CYSLTR2: variants seen among roughly 807,000 people sequenced by gnomAD.
The protein encoded by CYSLTR2 is G-protein coupled receptor GPCR21.
For synonymous variants in CYSLTR2, 179 were observed against 160.8 expected (o/e 1.11, Z -0.86); for missense variants, 398 against 411.9 (o/e 0.97, Z 0.29).
At chr13:48,655,980 T>C (rs534831850) in intron 1 of CYSLTR2, among the ~76,000 whole-genome samples, 1 of 152,304 alleles carries the variant, frequency 6.6e-6, no homozygotes, top group Admixed American at 6.5e-5. Context: ...CAAAGAAAGG[T>C]GATCATGACA....
intron 1 of CYSLTR2, among the ~76,000 whole-genome samples, chr13:48,682,200 T>C (rs1953774290): frequency 2.0e-5 from 3 of 152,288 alleles, no homozygotes; most frequent in East Asian, 3.9e-4. Context: ...ATTTGCTTTA[T>C]TGACCTGGCT....
At chr13:48,673,792 T>C (rs1392461770) in intron 1 of CYSLTR2, among the ~76,000 whole-genome samples, 1 of 152,170 alleles carries the variant, frequency 6.6e-6, no homozygotes, top group East Asian at 1.9e-4. Context: ...AGTGCTTCCT[T>C]TGGAGCTCTT....
chr13:48,704,665 A>T (rs1387599396), intron 4 of CYSLTR2, among the ~76,000 whole-genome samples: 1 of 152,004 alleles, frequency 6.6e-6, no homozygotes, highest in Non-Finnish European at 1.5e-5. Flanking sequence ...TCAGTTTAAT[A>T]TATTTTTTGT....
chr13:48,702,379 G>A (rs1204255466), intron 4 of CYSLTR2, among the ~76,000 whole-genome samples: 1 of 152,150 alleles, frequency 6.6e-6, no homozygotes, highest in Non-Finnish European at 1.5e-5. Context: ...TGCACGTTGT[G>A]CACACGTACC....
chr13:48,683,670 T>A (rs990806489), intron 1 of CYSLTR2, among the ~76,000 whole-genome samples: 3 of 152,134 alleles, frequency 2.0e-5, no homozygotes, highest in African/African-American at 7.2e-5. Flanking sequence ...AATTTTCTCC[T>A]ATTCTGTAGG....
At chr13:48,668,541 C>A (rs1953329292) in intron 1 of CYSLTR2, among the ~76,000 whole-genome samples, 1 of 152,102 alleles carries the variant, frequency 6.6e-6, no homozygotes, top group South Asian at 2.1e-4. Context: ...ATATTTGCTT[C>A]TCTTGGAGCC....
rs201590235 is a variant in CYSLTR2 at position 48,707,549 on chromosome 13, G to A, written c.732G>A (p.Lys244=). 2.9e-5 allele frequency: 46 copies of A among 1,608,162 alleles called. No homozygotes were observed. In the East Asian group the frequency reaches 8.0e-4, roughly 28 times the overall value. Residue 244 remains lysine, a synonymous_variant, in exon 5 of 5, where the codon AAG becomes AAA. Coordinates refer to ENST00000682523, the MANE Select transcript of CYSLTR2 (RefSeq NM_001308476.3). ...CGGGGCTGCGGGTTTCTCACAGGAA[G>A]GCACTGACCACCATCATCATCACCT... is the stretch of plus-strand genomic sequence containing the variant. ...PESGLRVSHR[K]ALTTIIITLI...
chr13:48,672,833 G>A (rs1953478103), intron 1 of CYSLTR2, among the ~76,000 whole-genome samples: 1 of 151,918 alleles, frequency 6.6e-6, no homozygotes, highest in African/African-American at 2.4e-5. Flanking sequence ...AGCCAGGATG[G>A]TCTTGATCTC....
chr13:48,679,792 C>T (rs544722927), intron 1 of CYSLTR2, among the ~76,000 whole-genome samples: 2 of 152,224 alleles, frequency 1.3e-5, no homozygotes, highest in East Asian at 1.9e-4. Context: ...AGCCCTTGGG[C>T]AGGTTTGGCC....
chr13:48,675,860 C>G (rs1310977861), intron 1 of CYSLTR2, among the ~76,000 whole-genome samples: 1 of 152,164 alleles, frequency 6.6e-6, no homozygotes, highest in Non-Finnish European at 1.5e-5. Flanking sequence ...AGCATCATCC[C>G]CCATGGCACA....
intron 4 of CYSLTR2, among the ~76,000 whole-genome samples, chr13:48,696,896 G>A (rs1007016625): frequency 1.3e-4 from 20 of 152,236 alleles, no homozygotes; most frequent in African/African-American, 4.3e-4. Context: ...CCACGCCCAC[G>A]GAGCCTCGCT....
intron 4 of CYSLTR2, among the ~76,000 whole-genome samples, chr13:48,704,411 T>C (rs982855300): frequency 1.3e-5 from 2 of 152,130 alleles, no homozygotes; most frequent in Admixed American, 6.6e-5. Flanking sequence ...ATCGATTGTA[T>C]TGACTTTTTT....
At chr13:48,675,396 TGG>T (rs1953566426) in intron 1 of CYSLTR2, among the ~76,000 whole-genome samples, 5 of 152,144 alleles carry the variant, frequency 3.3e-5, no homozygotes, top group Admixed American at 2.6e-4. Flanking sequence ...TGTGCTATGG[TGG>T]GCTCTGCCAG....
intron 1 of CYSLTR2, among the ~76,000 whole-genome samples, chr13:48,657,375 G>A (rs1953023451): frequency 6.6e-6 from 1 of 152,150 alleles, no homozygotes; most frequent in South Asian, 2.1e-4. Flanking sequence ...TCCTTAGGAA[G>A]AGCTGGGACC....
chr13:48,681,141 A>T (rs1953745130), intron 1 of CYSLTR2, among the ~76,000 whole-genome samples: 1 of 151,876 alleles, frequency 6.6e-6, no homozygotes, highest in Admixed American at 6.6e-5. Context: ...TCCCATTCCC[A>T]TGTAGCCCCC....
Position 48,707,465 on chromosome 13 carries a change from A to C in CYSLTR2, c.648A>C (p.Thr216=), listed in dbSNP as rs1420116201. The C allele has an allele frequency of 4.3e-6, 7 of 1,613,752 alleles. No individual in the cohort carries two copies. The highest frequency in any genetic ancestry group is 5.9e-6 in the Non-Finnish European group (7 of 1,180,000). Residue 216 remains threonine, a synonymous_variant, in exon 5 of 5, where the codon ACA becomes ACC. Transcript: ENST00000682523. The part of the protein sequence containing the change: ...LVVGCLLPFF[T]LSICYLLIIR... ...TGGGCTGCCTGCTGCCATTTTTCACACTCAGCATCTGTTATCTGCTGATCA... is the reference window on the plus strand; with the variant it reads ...TGGGCTGCCTGCTGCCATTTTTCACCCTCAGCATCTGTTATCTGCTGATCA...
At chr13:48,688,584 A>T (rs1249015176) in intron 1 of CYSLTR2, among the ~76,000 whole-genome samples, 1 of 152,210 alleles carries the variant, frequency 6.6e-6, no homozygotes, top group Admixed American at 6.5e-5. Context: ...AAATGTCGTG[A>T]ACTCATCCTT....
chr13:48,707,789 T>A lies in CYSLTR2; in HGVS notation c.972T>A (p.His324Gln). Residue 324 changes from histidine (H) to glutamine (Q), a missense_variant, in exon 5 of 5, where the codon CAT (histidine) becomes CAA (glutamine). Transcript: ENST00000682523. The part of the protein sequence containing the change: ...DRLKSALRKG[H>Q]PQKAKTKCVF... Reference sequence around the variant, plus strand: ...TAAAGTCTGCACTCAGAAAAGGCCATCCACAGAAGGCAAAGACAAAGTGTG... The same window carrying A: ...TAAAGTCTGCACTCAGAAAAGGCCAACCACAGAAGGCAAAGACAAAGTGTG... 6.4e-7 allele frequency: 1 copy of A among 1,567,074 alleles called. No homozygotes were observed. The highest frequency in any genetic ancestry group is 1.2e-5 in the South Asian group (1 of 82,604).
intron 4 of CYSLTR2, among the ~76,000 whole-genome samples, chr13:48,700,648 T>C (rs951525235): frequency 6.6e-6 from 1 of 152,174 alleles, no homozygotes; most frequent in Admixed American, 6.5e-5. Context: ...TTCAACATAG[T>C]GTTGGACGTT....
Sources: allele counts gnomAD v4.1 joint callset (sites outside exome capture counted in the v4.1 genomes callset), GRCh38; gene constraint gnomAD v4.1.1; transcripts MANE v1.5; gene names NCBI Gene and HGNC (gene_info 2026-07-23, HGNC 2026-07-21).